XYLT1: variants seen among roughly 807,000 people sequenced by gnomAD.
The protein encoded by XYLT1 is beta-D-xylosyltransferase 1.
Under a neutral mutation model 91.3 loss-of-function variants are expected in XYLT1, and 36 were observed. That is an observed-to-expected ratio of 0.39 (90% confidence interval 0.30 to 0.52). The LOEUF (loss-of-function observed/expected upper bound fraction) is 0.52, where lower values mean the gene tolerates loss of function less well. Ranked by LOEUF, XYLT1 falls within the 20% of genes least tolerant of loss-of-function variation. XYLT1 has a pLI of 0.68. For missense variants in XYLT1, 1,242 were observed against 1,284.5 expected (o/e 0.97, Z 0.51); for synonymous variants, 588 against 532.0 (o/e 1.11, Z -1.45).
rs577476092 is a variant in XYLT1, at chr16:17,119,474, G to A, written c.2224-1495C>T. ...TCTAATGTGTGTGTGCACGAAGGTCGGGTGTGGATACACATACCCACATTC... is the reference window on the plus strand; with the variant it reads ...TCTAATGTGTGTGTGCACGAAGGTCAGGTGTGGATACACATACCCACATTC... On this transcript the variant is annotated intron_variant, in intron 10 of 11. Transcript: ENST00000261381. Among the ~76,000 whole-genome samples the A allele has an allele frequency of 4.6e-5, 7 of 152,312 alleles. No homozygotes were observed. In the South Asian group the frequency reaches 6.2e-4, roughly 14 times the overall value.
At chr16:17,439,088 C>G (rs2036498914) in intron 1 of XYLT1, among the ~76,000 whole-genome samples, 1 of 152,074 alleles carries the variant, frequency 6.6e-6, no homozygotes, top group Non-Finnish European at 1.5e-5. Context: ...CTGGTAAATA[C>G]AGAAATTTAA....
At chr16:17,269,818 T>TATC (rs1555492786) in intron 2 of XYLT1, among the ~76,000 whole-genome samples, 15 of 149,702 alleles carry the variant, frequency 1.0e-4, no homozygotes, top group East Asian at 3.9e-4. Flanking sequence ...TTATTATTAT[T>TATC]ATCATTATTT....
chr16:17,154,891 G>A (rs2031368649), intron 6 of XYLT1, among the ~76,000 whole-genome samples: 1 of 152,160 alleles, frequency 6.6e-6, no homozygotes, highest in Non-Finnish European at 1.5e-5. Flanking sequence ...GGCCTATTCT[G>A]TATTTCACTG....
At chr16:17,467,011 C>T (rs901812261) in intron 1 of XYLT1, among the ~76,000 whole-genome samples, 13 of 152,096 alleles carry the variant, frequency 8.5e-5, no homozygotes, top group Admixed American at 8.5e-4. Context: ...GCCAGTGAAC[C>T]GATCTTTCAA....
chr16:17,143,951 A>G (rs1056026097), intron 6 of XYLT1, among the ~76,000 whole-genome samples: 1 of 152,188 alleles, frequency 6.6e-6, no homozygotes, highest in Non-Finnish European at 1.5e-5. Flanking sequence ...CATCCCCATT[A>G]TCACTACCAC....
intron 6 of XYLT1, among the ~76,000 whole-genome samples, chr16:17,146,334 G>A (rs760727434): frequency 1.3e-5 from 2 of 152,128 alleles, no homozygotes; most frequent in African/African-American, 2.4e-5. Flanking sequence ...GACTTAATTC[G>A]GCTGAAATGT....
chr16:17,276,697 T>C (rs1158107899), intron 2 of XYLT1, among the ~76,000 whole-genome samples: 4 of 152,170 alleles, frequency 2.6e-5, no homozygotes, highest in Non-Finnish European at 5.9e-5. Context: ...ATGGTGATCA[T>C]GATATGCTAC....
intron 1 of XYLT1, among the ~76,000 whole-genome samples, chr16:17,429,673 G>A (rs997632869): frequency 6.6e-6 from 1 of 152,156 alleles, no homozygotes; most frequent in Non-Finnish European, 1.5e-5. Flanking sequence ...TTCCAATGTG[G>A]GTGGTTATCA....
At chr16:17,367,838 G>A (rs1434931092) in intron 1 of XYLT1, among the ~76,000 whole-genome samples, 2 of 152,172 alleles carry the variant, frequency 1.3e-5, no homozygotes, top group Non-Finnish European at 2.9e-5. Flanking sequence ...ACTGTTTGGT[G>A]AGGCATGGGA....
Position 17,172,585 on chromosome 16 carries a change from C to A in XYLT1, c.1290-13676G>T, listed in dbSNP as rs548250696. On this transcript the variant is annotated intron_variant, in intron 5 of 11. Transcript: ENST00000261381. ...TTCCCAGGTTCAAGCGATTATCCTG[C>A]CTCAGCCTCCTGAGTAGCTGGGATT... 1.4e-3 allele frequency among the ~76,000 whole-genome samples: 210 copies of A among 150,800 alleles called. 1 individual carries two copies. Among genetic ancestry groups the A allele is most frequent in the Non-Finnish European group, 2.3e-3 (156 of 67,804 alleles).
At chr16:17,205,425 T>C (rs1433559825) in intron 3 of XYLT1, among the ~76,000 whole-genome samples, 3 of 152,240 alleles carry the variant, frequency 2.0e-5, no homozygotes, top group Admixed American at 2.0e-4. Flanking sequence ...GAACATGACC[T>C]GTGGTCAGGC....
intron 11 of XYLT1, among the ~76,000 whole-genome samples, chr16:17,109,582 G>T (rs1966825966): frequency 6.7e-6 from 1 of 149,144 alleles, no homozygotes; most frequent in African/African-American, 2.6e-5. Context: ...TTGGCAAACT[G>T]CAGTCCTTGG....
At position 17,236,033 on chromosome 16, in the gene XYLT1, AT is replaced by A. The variant is rs2033242904; in HGVS notation, c.913+22954del. The stretch of plus-strand genomic sequence containing the variant: ...AGGAGTGCGCCACCACACCCAGCTA[AT>A]TTTTGTATTTTTAGTAGAGACGGGG... On this transcript the variant is annotated intron_variant, in intron 3 of 11. Transcript: ENST00000261381. 4.6e-5 allele frequency among the ~76,000 whole-genome samples: 7 copies of A among 152,014 alleles called. 1 individual carries two copies. The South Asian group carries it at 1.5e-3, about 32-fold the overall frequency.
intron 5 of XYLT1, chr16:17,197,902 C>T (rs1814580): frequency 0.53 from 207,013 of 389,822 alleles, 60,022 homozygotes; most frequent in African/African-American, 0.84. Flanking sequence ...TATATATACA[C>T]CTATCCTGTT....
At chr16:17,182,601 C>CG (rs1480522414) in intron 5 of XYLT1, among the ~76,000 whole-genome samples, 1 of 147,148 alleles carries the variant, frequency 6.8e-6, no homozygotes, top group Admixed American at 7.1e-5. Flanking sequence ...GCCTCTTCTA[C>CG]ATCGTAGTGG....
intron 1 of XYLT1, among the ~76,000 whole-genome samples, chr16:17,359,331 C>T (rs551162569): frequency 6.6e-6 from 1 of 152,298 alleles, no homozygotes; most frequent in African/African-American, 2.4e-5. Context: ...TTGTCCCATA[C>T]TGTGAGCAAG....
rs1050963418 is a variant in XYLT1 at position 17,213,906 on chromosome 16, C to T, written c.914-13252G>A. 6.3e-4 allele frequency among the ~76,000 whole-genome samples: 96 copies of T among 152,278 alleles called. 1 individual carries two copies. Among genetic ancestry groups the T allele is most frequent in the African/African-American group, 2.1e-3 (88 of 41,552 alleles). ...TGCTGGGATTACAGGCATGATCTGC[C>T]GCACCTAGCCATTTGAGCAACCTTT... On this transcript the variant is annotated intron_variant, in intron 3 of 11. Transcript: ENST00000261381.
chr16:17,313,897 T>C (rs1473921688), intron 2 of XYLT1, among the ~76,000 whole-genome samples: 1 of 152,100 alleles, frequency 6.6e-6, no homozygotes, highest in Non-Finnish European at 1.5e-5. Flanking sequence ...GGGGATATAA[T>C]TAAGGGGCTT....
At position 17,141,516 on chromosome 16, in the gene XYLT1, G is replaced by C. The variant is rs961404789; in HGVS notation, c.1371-147C>G. ...CAGGTACTGCTCCAGGGCTCTGCGT[G>C]GAGTTTATCACTTGATCCCCACAAG... On this transcript the variant is annotated intron_variant, in intron 6 of 11. Coordinates refer to ENST00000261381, the MANE Select transcript of XYLT1 (RefSeq NM_022166.4). 22 of 768,174 alleles carry C rather than the reference G, an allele frequency of 2.9e-5. No individual in the cohort carries two copies. The East Asian group carries it at 5.9e-4, about 21-fold the overall frequency. The allele number at this position is 768,174 out of a possible 1,614,324, so 47.6% of individuals were successfully genotyped here.
Sources: gnomAD v4.1 joint callset for allele counts (sites outside exome capture counted in the v4.1 genomes callset) on GRCh38, gnomAD v4.1.1 for gene constraint, MANE v1.5 for transcripts, NCBI Gene and HGNC (gene_info 2026-07-23, HGNC 2026-07-21) for gene names.